Variants in ABCA1 observed in about 807,000 individuals in gnomAD.
ABCA1 encodes phospholipid-transporting ATPase ABCA1.
A neutral mutation model predicts 262.5 loss-of-function variants in ABCA1; 133 were observed. That is an observed-to-expected ratio of 0.51 (90% CI 0.44 to 0.59). ABCA1 has a LOEUF of 0.59. ABCA1 is among the 20% of genes least tolerant of loss of function. ABCA1 has a pLI of 0.00. For missense variants in ABCA1, 2,452 were observed against 2,777.5 expected (o/e 0.88, Z 2.63); for synonymous variants, 1,022 against 1,043.5 (o/e 0.98, Z 0.40).
chr9:104,924,067 T>C (rs1432040596), intron 1 of ABCA1, among the ~76,000 whole-genome samples: 1 of 152,026 alleles, frequency 6.6e-6, no homozygotes, highest in Non-Finnish European at 1.5e-5. Flanking sequence ...AATAAACACG[T>C]GAAAAACATT....
At chr9:104,887,704 T>G (rs1230350871) in intron 3 of ABCA1, among the ~76,000 whole-genome samples, 1 of 148,962 alleles carries the variant, frequency 6.7e-6, no homozygotes, top group African/African-American at 2.5e-5. Flanking sequence ...ATAAATTGCA[T>G]ATAAATTTCA....
intron 1 of ABCA1, among the ~76,000 whole-genome samples, chr9:104,921,400 TAGTG>T (rs1221912136): frequency 2.0e-5 from 3 of 152,210 alleles, no homozygotes; most frequent in Admixed American, 6.5e-5. Flanking sequence ...CTAAATTACT[TAGTG>T]AGTCATGTCA....
chr9:104,852,575 T>C lies in ABCA1; in HGVS notation c.720+5947A>G, dbSNP rs147048518. Among the ~76,000 whole-genome samples the C allele has an allele frequency of 2.6e-3, 394 of 152,256 alleles. 4 individuals carry two copies. The highest frequency in any genetic ancestry group is 9.2e-3 in the African/African-American group (381 of 41,542). Reference sequence around the variant, plus strand: ...AGAAATAGTATAACTAAGGTGAAAATGTCTGTGTAAATGGAGTTGAGCAGT... The same window carrying C: ...AGAAATAGTATAACTAAGGTGAAAACGTCTGTGTAAATGGAGTTGAGCAGT... On this transcript the variant is annotated intron_variant, in intron 7 of 49. Coordinates refer to ENST00000374736, the MANE Select transcript of ABCA1 (RefSeq NM_005502.4).
intron 36 of ABCA1, 143 bp from the exon 37 acceptor site, chr9:104,798,741 C>T: frequency 1.3e-6 from 1 of 750,614 alleles, no homozygotes; most frequent in African/African-American, 1.7e-5. Flanking sequence ...AACATCTGTT[C>T]ACCAGACACA....
At chr9:104,816,639 A>ATGGG (rs920826116) in intron 24 of ABCA1, among the ~76,000 whole-genome samples, 1 of 19,854 alleles carries the variant, frequency 5.0e-5, no homozygotes, top group Non-Finnish European at 9.3e-5. Context: ...GGATGGAAGG[A>ATGGG]TGGGTGGGTG....
intron 1 of ABCA1, among the ~76,000 whole-genome samples, chr9:104,923,630 C>T (rs761908119): frequency 1.3e-5 from 2 of 152,228 alleles, no homozygotes; most frequent in African/African-American, 2.4e-5. Flanking sequence ...AGAACTCTGG[C>T]TGGGTTCAAG....
chr9:104,878,407 G>A (rs1999430), intron 5 of ABCA1, among the ~76,000 whole-genome samples: 10,308 of 152,230 alleles, frequency 0.068, 697 homozygotes, highest in African/African-American at 0.17. Context: ...ATTTGTCCAC[G>A]GCTTAATTCC....
Position 104,816,226 on chromosome 9 carries a change from C to T in ABCA1, c.3655G>A (p.Val1219Met), listed in dbSNP as rs1209484368. Residue 1219 changes from valine (V) to methionine (M), a missense_variant, in exon 25 of 50, where the codon GTG (valine) becomes ATG (methionine). Coordinates refer to ENST00000374736, the MANE Select transcript of ABCA1 (RefSeq NM_005502.4). ...PYEAAKEGAF[V>M]ELFHEIDDRL... Reference sequence around the variant, plus strand: ...TCATCAATCTCATGAAAGAGTTCCACAAAGGCTCCCTCCTTAGCAGCTTCA... The same window carrying T: ...TCATCAATCTCATGAAAGAGTTCCATAAAGGCTCCCTCCTTAGCAGCTTCA... 1 of 1,614,176 alleles carries T rather than the reference C, an allele frequency of 6.2e-7. No individual in the cohort carries two copies. Among genetic ancestry groups the T allele is most frequent in the Non-Finnish European group, 8.5e-7 (1 of 1,180,030 alleles).
chr9:104,814,352 G>A, intron 26 of ABCA1, 75 bp downstream of exon 26: 1 of 1,573,112 alleles, frequency 6.4e-7, no homozygotes, highest in South Asian at 1.1e-5. Flanking sequence ...AAAGGGAAAG[G>A]AACAATACTC....
At chr9:104,849,729 T>C (rs906037628) in intron 7 of ABCA1, among the ~76,000 whole-genome samples, 2 of 152,192 alleles carry the variant, frequency 1.3e-5, no homozygotes, top group African/African-American at 4.8e-5. Context: ...ATCCAAAACA[T>C]ACCATAACCT....
At chr9:104,862,637 G>GCCCCCCACCC (rs1554729290) in intron 5 of ABCA1, among the ~76,000 whole-genome samples, 2 of 1,714 alleles carry the variant, frequency 1.2e-3, no homozygotes, top group South Asian at 0.023. Context: ...AGACTGCCGG[G>GCCCCCCACCC]CCGGGCCGGG....
intron 10 of ABCA1, 46 bp from the exon 11 acceptor site, chr9:104,837,142 G>T: frequency 6.8e-7 from 1 of 1,476,592 alleles, no homozygotes. Flanking sequence ...AGGAGGAGAA[G>T]CACAGACAAT....
chr9:104,862,215 T>C (rs1836479025), intron 5 of ABCA1, among the ~76,000 whole-genome samples: 1 of 152,080 alleles, frequency 6.6e-6, no homozygotes, highest in African/African-American at 2.4e-5. Flanking sequence ...GAGATTCTCC[T>C]GCCTCAGCCT....
chr9:104,916,458 T>C (rs1841847844), intron 1 of ABCA1, among the ~76,000 whole-genome samples: 1 of 152,206 alleles, frequency 6.6e-6, no homozygotes, highest in African/African-American at 2.4e-5. Flanking sequence ...ATTTAACATT[T>C]CAGTGTCCAT....
In ABCA1 at chr9:104,825,929, G is replaced by A. The variant is rs779519948; in HGVS notation, c.2338-42C>T. ...AAGTCACCTATCCATTTCCTGGTCA[G>A]TCTCATTTTTCTATCTCTTCTAGTG... On this transcript the variant is annotated intron_variant, in intron 16 of 49. Coordinates refer to ENST00000374736, the MANE Select transcript of ABCA1 (RefSeq NM_005502.4). The A allele has an allele frequency of 2.5e-6, 4 of 1,602,198 alleles. No homozygotes were observed. In the South Asian group the frequency reaches 4.4e-5, roughly 18 times the overall value.
Position 104,816,049 on chromosome 9 carries a change from C to T in ABCA1, c.3738+94G>A, listed in dbSNP as rs1401030997. ...GATGACCTAAAAACTCAATGACTAA[C>T]TCCATGATAATCCTGCTCCCAATGC... On this transcript the variant is annotated intron_variant, in intron 25 of 49. Transcript: ENST00000374736. 8.6e-6 allele frequency: 12 copies of T among 1,388,588 alleles called. No homozygotes were observed. In the Admixed American group the frequency reaches 1.7e-4, roughly 19 times the overall value. The allele number at this position is 1,388,588 out of a possible 1,614,324, so 86.0% of individuals were successfully genotyped here.
chr9:104,809,213 T>A (rs1276556199), intron 30 of ABCA1, among the ~76,000 whole-genome samples: 1 of 152,238 alleles, frequency 6.6e-6, no homozygotes, highest in African/African-American at 2.4e-5. Flanking sequence ...AAATTAAATA[T>A]TAAGGTTCTA....
intron 31 of ABCA1, among the ~76,000 whole-genome samples, chr9:104,806,012 G>A (rs1830727480): frequency 6.6e-6 from 1 of 152,200 alleles, no homozygotes; most frequent in Admixed American, 6.5e-5. Flanking sequence ...GGCTGAGGCA[G>A]GAGAATCGCT....
Position 104,882,980 on chromosome 9 carries a change from T to C in ABCA1, c.421+59A>G, listed in dbSNP as rs148810271. ...AGCCCCAGACACCTGGGCTACTCTC[T>C]TTCCCTGGTGCAGGTCAATTTCCAA... On this transcript the variant is annotated intron_variant, in intron 5 of 49. Transcript: ENST00000374736. The C allele has an allele frequency of 4.4e-4, 629 of 1,441,112 alleles. 8 individuals are homozygous for C. In the East Asian group the frequency reaches 0.011, roughly 26 times the overall value. 89.3% of individuals were successfully genotyped at this position (1,441,112 alleles called of 1,614,324 possible). A position where few individuals can be genotyped will look rare whatever the true frequency, so the allele number is the denominator to read the frequency against.
Sources: allele counts gnomAD v4.1 joint callset (sites outside exome capture counted in the v4.1 genomes callset), GRCh38; gene constraint gnomAD v4.1.1; transcripts MANE v1.5; gene names NCBI Gene and HGNC (gene_info 2026-07-23, HGNC 2026-07-21).